Variants in MEF2C observed in about 807,000 individuals in gnomAD.
MEF2C encodes myocyte-specific enhancer factor 2C.
MEF2C carries 6 observed loss-of-function variants against 50.5 expected under a neutral mutation model. The observed-to-expected ratio is 0.12, with a 90% CI of 0.07 to 0.23. MEF2C has a LOEUF of 0.23. Ranked by LOEUF, MEF2C falls within the 10% of genes least tolerant of loss-of-function variation. The pLI is 1.00. For missense variants in MEF2C, 276 were observed against 605.0 expected, an observed-to-expected ratio of 0.46 and a Z score of 5.70; for synonymous variants, 183 against 228.0, an observed-to-expected ratio of 0.80 and a Z score of 1.78.
chr5:88,722,992 A>T (rs563879438), intron 10 of MEF2C, 67 bp from the exon 11 acceptor site: 1 of 1,334,176 alleles, frequency 7.5e-7, no homozygotes, highest in Non-Finnish European at 1.0e-6. Context: ...CTCACAATTA[A>T]ATCAAACATC....
chr5:88,816,617 T>C (rs567494420), intron 2 of MEF2C, among the ~76,000 whole-genome samples: 1 of 151,798 alleles, frequency 6.6e-6, no homozygotes, highest in East Asian at 1.9e-4. Flanking sequence ...TTAAGATTAA[T>C]AAAAGAATGA....
chr5:88,721,064 G>A lies in MEF2C; in HGVS notation c.*1540C>T, dbSNP rs1354795085. The A allele has an allele frequency of 6.6e-6, 1 of 152,506 alleles. No homozygotes were observed. The highest frequency in any genetic ancestry group is 1.9e-4 in the East Asian group (1 of 5,196). 9.4% of individuals were successfully genotyped at this position (152,506 alleles called of 1,614,324 possible). ...ACCCAGTCTTTCACATTTTTCTTCT[G>A]TGGGAATTTATAACTTATTCACCAA... On this transcript the variant is annotated 3_prime_UTR_variant, in exon 11 of 11. Transcript: ENST00000504921.
intron 1 of MEF2C, among the ~76,000 whole-genome samples, chr5:88,866,739 A>G (rs1166469663): frequency 1.3e-5 from 2 of 152,222 alleles, no homozygotes; most frequent in African/African-American, 4.8e-5. Context: ...CTTTGGTTTT[A>G]AAGTTTTGTT....
At chr5:88,723,116 C>T (rs1462002801) in intron 10 of MEF2C, among the ~76,000 whole-genome samples, 191 bp from the exon 11 acceptor site, 1 of 152,088 alleles carries the variant, frequency 6.6e-6, no homozygotes, top group Non-Finnish European at 1.5e-5. Context: ...GTTGATTTGC[C>T]CGGTAGTAAT....
At chr5:88,771,280 C>T (rs1212879455) in intron 3 of MEF2C, 3 of 399,376 alleles carry the variant, frequency 7.5e-6, no homozygotes, top group Non-Finnish European at 1.0e-5. Context: ...TGTCATTTGG[C>T]AAGTCAGCTC....
At chr5:88,780,518 A>G (rs544281400) in intron 3 of MEF2C, among the ~76,000 whole-genome samples, 1 of 152,332 alleles carries the variant, frequency 6.6e-6, no homozygotes, top group Non-Finnish European at 1.5e-5. Context: ...AGAATATTTA[A>G]AATACCTGTT....
intron 3 of MEF2C, among the ~76,000 whole-genome samples, chr5:88,803,293 T>C (rs1465234914): frequency 2.0e-5 from 3 of 152,218 alleles, no homozygotes; most frequent in African/African-American, 4.8e-5. Flanking sequence ...AATTATTTCC[T>C]TGGCCTCGTT....
rs998461430 is a variant in MEF2C at position 88,741,566 on chromosome 5, A to G, written c.637+7504T>C. On this transcript the variant is annotated intron_variant, in intron 6 of 10. Coordinates refer to ENST00000504921, the MANE Select transcript of MEF2C (RefSeq NM_002397.5). ...GTTGCTTAATATTAGAGCCAACTAAAGATTCAGTTTTCTTGATTGTTATGT... is the reference window on the plus strand; with the variant it reads ...GTTGCTTAATATTAGAGCCAACTAAGGATTCAGTTTTCTTGATTGTTATGT... The G allele has an allele frequency of 4.4e-5, 43 of 985,362 alleles. No individual in the cohort carries two copies. The African/African-American group carries it at 7.0e-4, about 16-fold the overall frequency. 61.0% of individuals were successfully genotyped at this position (985,362 alleles called of 1,614,324 possible).
intron 3 of MEF2C, among the ~76,000 whole-genome samples, chr5:88,798,712 G>A (rs1415621453): frequency 6.6e-6 from 1 of 152,140 alleles, no homozygotes; most frequent in Non-Finnish European, 1.5e-5. Context: ...CTTTGGAGGA[G>A]AAGAGGCATT....
chr5:88,798,668 A>G (rs1797023931), intron 3 of MEF2C, among the ~76,000 whole-genome samples: 1 of 151,988 alleles, frequency 6.6e-6, no homozygotes, highest in Admixed American at 6.5e-5. Context: ...TTCTCCATCC[A>G]GTTATGTTCC....
chr5:88,836,115 A>G lies in MEF2C; in HGVS notation c.-142-12185T>C, dbSNP rs545014352. On this transcript the variant is annotated intron_variant, in intron 1 of 10. Coordinates refer to ENST00000504921, the MANE Select transcript of MEF2C (RefSeq NM_002397.5). ...GTTTTAAAATAGGGTAAGTTATATA[A>G]TTTACCATGAAGCCTAAATGAACAC... is the stretch of plus-strand genomic sequence containing the variant. 5.3e-5 allele frequency among the ~76,000 whole-genome samples: 8 copies of G among 152,330 alleles called. No individual in the cohort carries two copies. The South Asian group carries it at 1.7e-3, about 32-fold the overall frequency.
At chr5:88,768,061 C>T (rs1443757396) in intron 3 of MEF2C, among the ~76,000 whole-genome samples, 2 of 152,208 alleles carry the variant, frequency 1.3e-5, no homozygotes, top group Admixed American at 1.3e-4. Context: ...GCAGCTGACA[C>T]ATTGTCTCCT....
At chr5:88,790,255 C>T (rs900807002) in intron 3 of MEF2C, among the ~76,000 whole-genome samples, 4 of 152,156 alleles carry the variant, frequency 2.6e-5, no homozygotes, top group Admixed American at 6.5e-5. Context: ...TTCTAACCCT[C>T]CATAAAATTA....
At chr5:88,742,164 G>A (rs1051238928) in intron 6 of MEF2C, 7 of 985,188 alleles carry the variant, frequency 7.1e-6, no homozygotes, top group Middle Eastern at 5.2e-4. Flanking sequence ...CCAAAAGAGG[G>A]GGTTTTTAAC....
chr5:88,895,402 T>C (rs372201127), intron 1 of MEF2C, among the ~76,000 whole-genome samples: 2 of 152,316 alleles, frequency 1.3e-5, no homozygotes, highest in Non-Finnish European at 1.5e-5. Context: ...ATCAGACTTA[T>C]GAAAGTAATG....
rs936280743 is a variant in MEF2C, at chr5:88,843,488, T to C, written c.-142-19558A>G. On this transcript the variant is annotated intron_variant, in intron 1 of 10. Transcript: ENST00000504921. ...TAGGCAGACAATTTATGTTACACAA[T>C]TACATTTAAACTACATTTTTCATGT... 5.1e-6 allele frequency: 5 copies of C among 984,752 alleles called. No homozygotes were observed. In the South Asian group the frequency reaches 2.3e-4, roughly 46 times the overall value. 61.0% of individuals were successfully genotyped at this position (984,752 alleles called of 1,614,324 possible).
rs1360459009 is a variant in MEF2C at position 88,804,805 on chromosome 5, G to C, written c.55-4C>G. 1 of 1,609,606 alleles carries C rather than the reference G, an allele frequency of 6.2e-7. No individual in the cohort carries two copies. The highest frequency in any genetic ancestry group is 8.5e-7 in the Non-Finnish European group (1 of 1,177,718). On this transcript the variant is annotated splice_polypyrimidine_tract_variant and splice_region_variant and intron_variant, in intron 2 of 10. Transcript: ENST00000504921. ...ATTTCCTCTTTGTAAATGTCACCTA[G>C]AAAAAAGAAAGCAGCCAAGATTTTT... is the stretch of plus-strand genomic sequence containing the variant.
At chr5:88,777,831 A>C (rs1785562382) in intron 3 of MEF2C, among the ~76,000 whole-genome samples, 11 of 151,442 alleles carry the variant, frequency 7.3e-5, no homozygotes. Flanking sequence ...GGTACTATCT[A>C]TCTAGTTAAA....
intron 3 of MEF2C, among the ~76,000 whole-genome samples, chr5:88,802,444 T>TG (rs1284963979): frequency 4.6e-5 from 7 of 152,180 alleles, no homozygotes; most frequent in Admixed American, 4.6e-4. Context: ...AGTGGGTTTT[T>TG]TTGTTGTTGT....
Sources: gnomAD v4.1 joint callset for allele counts (sites outside exome capture counted in the v4.1 genomes callset) on GRCh38, gnomAD v4.1.1 for gene constraint, MANE v1.5 for transcripts, NCBI Gene and HGNC (gene_info 2026-07-23, HGNC 2026-07-21) for gene names.